GRIN2A: variants seen among roughly 807,000 people sequenced by gnomAD.
GRIN2A encodes glutamate ionotropic receptor NMDA type subunit 2A, also known as glutamate receptor ionotropic, NMDA 2A.
GRIN2A carries 22 observed loss-of-function variants against 113.4 expected under a neutral mutation model. That is an observed-to-expected ratio of 0.19 (90% CI 0.14 to 0.28). GRIN2A has a LOEUF of 0.28. Among genes scored for constraint, GRIN2A ranks in the 10% least tolerant of loss-of-function variants. The pLI is 1.00. For synonymous variants in GRIN2A, 827 were observed against 738.4 expected (o/e 1.12, Z -1.94); for missense variants, 1,502 against 1,887.0 (o/e 0.80, Z 3.78).
intron 9 of GRIN2A, among the ~76,000 whole-genome samples, chr16:9,827,756 G>A (rs559852802): frequency 1.3e-5 from 2 of 152,272 alleles, no homozygotes; most frequent in South Asian, 4.1e-4. Context: ...GGAGATCCAG[G>A]TGGGGTATGC....
At chr16:10,032,842 T>C (rs1453128307) in intron 2 of GRIN2A, among the ~76,000 whole-genome samples, 1 of 152,188 alleles carries the variant, frequency 6.6e-6, no homozygotes, top group African/African-American at 2.4e-5. Flanking sequence ...CATAAGTCTC[T>C]GCTCATGTGA....
At chr16:9,841,702 G>C (rs2042682446) in intron 5 of GRIN2A, among the ~76,000 whole-genome samples, 1 of 152,172 alleles carries the variant, frequency 6.6e-6, no homozygotes, top group African/African-American at 2.4e-5. Context: ...AACTTCTCTT[G>C]ATAGAGCCAA....
intron 11 of GRIN2A, among the ~76,000 whole-genome samples, chr16:9,773,012 C>T (rs1005560041): frequency 4.6e-5 from 7 of 151,490 alleles, no homozygotes; most frequent in African/African-American, 7.3e-5. Flanking sequence ...TCATTTCCTG[C>T]CTCGTGGCCC....
At chr16:9,931,604 T>G (rs1361599802) in intron 3 of GRIN2A, among the ~76,000 whole-genome samples, 1 of 152,144 alleles carries the variant, frequency 6.6e-6, no homozygotes, top group East Asian at 1.9e-4. Flanking sequence ...AATGGCCATA[T>G]TTCTCCCAAG....
At chr16:10,121,880 A>G (rs2048842675) in intron 2 of GRIN2A, among the ~76,000 whole-genome samples, 1 of 152,244 alleles carries the variant, frequency 6.6e-6, no homozygotes, top group African/African-American at 2.4e-5. Context: ...ATTTCAAATA[A>G]TGGAAACACT....
At chr16:9,806,384 C>A (rs2041967081) in intron 10 of GRIN2A, among the ~76,000 whole-genome samples, 1 of 152,198 alleles carries the variant, frequency 6.6e-6, no homozygotes, top group African/African-American at 2.4e-5. Flanking sequence ...CCAAATTTCA[C>A]CCTGTGTGCT....
chr16:10,039,136 C>T lies in GRIN2A; in HGVS notation c.415-100585G>A, dbSNP rs114088061. On this transcript the variant is annotated intron_variant, in intron 2 of 12. Coordinates refer to ENST00000330684, the MANE Select transcript of GRIN2A (RefSeq NM_001134407.3). The stretch of plus-strand genomic sequence containing the variant: ...GGGAGCAGACATCCCCTCCCACCCC[C>T]CAATGTCCCCACTGATGTCTGTTGA... Among the ~76,000 whole-genome samples, 1,514 of 152,280 alleles carry T rather than the reference C, an allele frequency of 9.9e-3. 21 individuals are homozygous for T. Among genetic ancestry groups the T allele is most frequent in the African/African-American group, 0.035 (1,438 of 41,548 alleles).
intron 7 of GRIN2A, among the ~76,000 whole-genome samples, chr16:9,839,955 T>C (rs2042644809): frequency 6.6e-6 from 1 of 151,362 alleles, no homozygotes. Context: ...CGAAACCCCA[T>C]CTCTACACAA....
chr16:9,999,412 A>AT (rs766053619), intron 2 of GRIN2A, among the ~76,000 whole-genome samples: 1 of 152,248 alleles, frequency 6.6e-6, no homozygotes, highest in Non-Finnish European at 1.5e-5. Context: ...CTATGCAGCC[A>AT]TAAAAAAGGA....
rs1490371319 is a variant in GRIN2A at position 9,764,092 on chromosome 16, T to G, written c.3452A>C (p.Tyr1151Ser). The change falls in exon 13 of 13, where the codon TAC becomes TCC. Residue 1151 changes from tyrosine to serine, a missense_variant. Tyr to Ser is a moderately radical substitution (Grantham distance 144). Around this residue, in one of 7 missense-constraint regions of GRIN2A, gnomAD observed 832 missense variants for 789.7 expected, o/e 1.05. Transcript: ENST00000330684. ...LPENVDFPDP[Y>S]QDPSENFRKG... ...GCGGAAGTTTTCACTGGGATCCTGG[T>G]AGGGGTCCGGGAAGTCCACGTTCTC... The G allele has an allele frequency of 6.2e-7, 1 of 1,613,624 alleles. No individual in the cohort carries two copies. The highest frequency in any genetic ancestry group is 1.1e-5 in the South Asian group (1 of 91,058).
Position 9,987,690 on chromosome 16 carries a change from T to C in GRIN2A, c.415-49139A>G, listed in dbSNP as rs147496194. On this transcript the variant is annotated intron_variant, in intron 2 of 12. Coordinates refer to ENST00000330684, the MANE Select transcript of GRIN2A (RefSeq NM_001134407.3). ...GCAAAGAAAGATGGAGAAGGTCTCA[T>C]TCATGTGAGATCTGTTTACTCTGCA... 2.6e-4 allele frequency among the ~76,000 whole-genome samples: 40 copies of C among 152,318 alleles called. No individual in the cohort carries two copies. In the East Asian group the frequency reaches 6.2e-3, roughly 23 times the overall value.
At chr16:10,178,704 G>A (rs2050199469) in intron 2 of GRIN2A, among the ~76,000 whole-genome samples, 1 of 152,236 alleles carries the variant, frequency 6.6e-6, no homozygotes, top group African/African-American at 2.4e-5. Context: ...TGCAGCCCAG[G>A]AGACCTGAAA....
rs1448030797 is a variant in GRIN2A, at chr16:9,756,480, G to C, written c.*6669C>G. 4.4e-6 allele frequency: 1 copy of C among 226,306 alleles called. No homozygotes were observed. The highest frequency in any genetic ancestry group is 2.2e-5 in the African/African-American group (1 of 44,976). 14.0% of individuals were successfully genotyped at this position (226,306 alleles called of 1,614,324 possible). On this transcript the variant is annotated 3_prime_UTR_variant, in exon 13 of 13. Coordinates refer to ENST00000330684, the MANE Select transcript of GRIN2A (RefSeq NM_001134407.3). ...GGGTATATGCCCAGGAACCTCAAAA[G>C]AGCACACCTCTCTTTCTGACTTCTA...
intron 2 of GRIN2A, among the ~76,000 whole-genome samples, chr16:10,173,106 C>T (rs1407989889): frequency 2.0e-5 from 3 of 152,200 alleles, no homozygotes; most frequent in Non-Finnish European, 4.4e-5. Flanking sequence ...GGGAGGACGC[C>T]TGTTGGTCTC....
At chr16:9,776,871 T>C (rs191298879) in intron 11 of GRIN2A, among the ~76,000 whole-genome samples, 43 of 152,296 alleles carry the variant, frequency 2.8e-4, no homozygotes, top group East Asian at 1.2e-3. Context: ...GGCAGGCTCA[T>C]GTTCTCGATG....
At chr16:9,992,481 C>G (rs995832388) in intron 2 of GRIN2A, among the ~76,000 whole-genome samples, 1 of 152,162 alleles carries the variant, frequency 6.6e-6, no homozygotes, top group Non-Finnish European at 1.5e-5. Context: ...AGAAAAGAAA[C>G]AGGCCAATAT....
chr16:9,889,510 C>T (rs1168259342), intron 4 of GRIN2A, among the ~76,000 whole-genome samples: 4 of 151,780 alleles, frequency 2.6e-5, no homozygotes, highest in African/African-American at 9.7e-5. Context: ...TTCATTTGTT[C>T]ACTTTGCTCT....
At chr16:9,861,609 G>A (rs1232407038) in intron 4 of GRIN2A, among the ~76,000 whole-genome samples, 3 of 152,188 alleles carry the variant, frequency 2.0e-5, no homozygotes, top group East Asian at 3.9e-4. Flanking sequence ...GTTGACATAT[G>A]CTGTATCTGG....
intron 2 of GRIN2A, among the ~76,000 whole-genome samples, chr16:10,060,014 C>A (rs1354403798): frequency 6.6e-6 from 1 of 152,072 alleles, no homozygotes; most frequent in Non-Finnish European, 1.5e-5. Context: ...GAAGCTGGGT[C>A]GCTTGGCAGT....
Sources: allele counts gnomAD v4.1 joint callset (sites outside exome capture counted in the v4.1 genomes callset), GRCh38; gene constraint gnomAD v4.1.1; regional missense constraint gnomAD v4.1.1; transcripts MANE v1.5; gene names NCBI Gene and HGNC (gene_info 2026-07-23, HGNC 2026-07-21).